The following CXCL13 variants were observed in gnomAD, a reference collection of about 807,000 sequenced individuals.
CXCL13 encodes C-X-C motif chemokine ligand 13.
In CXCL13, 7 loss-of-function variants were observed where a neutral mutation model predicts 12.2. That is an observed-to-expected ratio of 0.57 (90% CI 0.33 to 1.07). CXCL13 has a LOEUF of 1.07. Among genes scored for constraint, CXCL13 ranks in the 50% least tolerant of loss-of-function variants. The probability of loss-of-function intolerance (pLI) is 0.04; values close to 1 mark genes in which losing one functional copy is unlikely to be tolerated. For synonymous variants in CXCL13, 47 were observed against 42.4 expected (o/e 1.11, Z -0.42); for missense variants, 113 against 127.4 (o/e 0.89, Z 0.55).
chr4:77,530,905 G>A (rs1350026208), intron 1 of CXCL13, among the ~76,000 whole-genome samples: 3 of 151,276 alleles, frequency 2.0e-5, no homozygotes, highest in Non-Finnish European at 2.9e-5. Context: ...TTCTCTTGTG[G>A]GCATTTAGTG....
intron 1 of CXCL13, among the ~76,000 whole-genome samples, chr4:77,579,629 G>A (rs1726271367): frequency 6.6e-6 from 1 of 151,986 alleles, no homozygotes; most frequent in Non-Finnish European, 1.5e-5. Flanking sequence ...CCAAAGTTGT[G>A]TCTCCCTGGC....
intron 1 of CXCL13, among the ~76,000 whole-genome samples, chr4:77,572,916 G>A (rs923641001): frequency 6.6e-6 from 1 of 151,886 alleles, no homozygotes; most frequent in Non-Finnish European, 1.5e-5. Flanking sequence ...AAAAAAGAAT[G>A]AGAACATGTC....
At chr4:77,562,198 G>A (rs868164273) in intron 1 of CXCL13, among the ~76,000 whole-genome samples, 30 of 15,948 alleles carry the variant, frequency 1.9e-3, no homozygotes, top group South Asian at 5.8e-3. Context: ...GCAGCCCCCC[G>A]CCCCGCCTAC....
intron 1 of CXCL13, among the ~76,000 whole-genome samples, chr4:77,596,931 G>A (rs554806521): frequency 6.6e-5 from 10 of 152,250 alleles, no homozygotes; most frequent in Admixed American, 3.9e-4. Flanking sequence ...ATGGAAGAAC[G>A]GGTAAAGAAA....
At chr4:77,603,751 A>T (rs1578073584), upstream of CXCL13, among the ~76,000 whole-genome samples, 1 of 152,164 alleles carries the variant, frequency 6.6e-6, no homozygotes, top group Non-Finnish European at 1.5e-5. Context: ...TCACTTTGAG[A>T]AATGTAGAAG....
At chr4:77,521,821 C>A (rs1472011698) in intron 1 of CXCL13, among the ~76,000 whole-genome samples, 1 of 152,106 alleles carries the variant, frequency 6.6e-6, no homozygotes, top group Non-Finnish European at 1.5e-5. Context: ...AATTTTAGAT[C>A]TTTCCAGCTT....
At chr4:77,523,416 T>A (rs891916438) in intron 1 of CXCL13, among the ~76,000 whole-genome samples, 1 of 152,218 alleles carries the variant, frequency 6.6e-6, no homozygotes, top group African/African-American at 2.4e-5. Context: ...TTCTTTTTAC[T>A]CTTTTTTTCT....
At chr4:77,569,895 CAAAACAGCATGGTACTGGTACA>C (rs967355279) in intron 1 of CXCL13, among the ~76,000 whole-genome samples, 3 of 152,158 alleles carry the variant, frequency 2.0e-5, no homozygotes, top group African/African-American at 7.2e-5. Flanking sequence ...CTACAGTAAC[CAAAACAGCATGGTACTGGTACA>C]AAAACAGACA....
At chr4:77,517,515 G>A (rs565534030) in intron 1 of CXCL13, among the ~76,000 whole-genome samples, 28 of 152,152 alleles carry the variant, frequency 1.8e-4, no homozygotes, top group Non-Finnish European at 3.5e-4. Context: ...TATATATTTA[G>A]GATAGTTAGT....
intron 1 of CXCL13, among the ~76,000 whole-genome samples, chr4:77,581,773 A>G (rs1316705092): frequency 6.6e-6 from 1 of 152,064 alleles, no homozygotes; most frequent in East Asian, 1.9e-4. Context: ...GGTCTTTCTT[A>G]TCATAAAAAT....
chr4:77,560,650 A>G (rs1043287389), intron 1 of CXCL13, among the ~76,000 whole-genome samples: 12 of 152,162 alleles, frequency 7.9e-5, no homozygotes, highest in African/African-American at 2.2e-4. Flanking sequence ...CTTTCCCACC[A>G]GTGAGAAGGA....
chr4:77,578,220 A>G (rs1726238159), intron 1 of CXCL13, among the ~76,000 whole-genome samples: 1 of 152,126 alleles, frequency 6.6e-6, no homozygotes, highest in Non-Finnish European at 1.5e-5. Context: ...TATGTTTCCT[A>G]ATAACCTGGT....
At chr4:77,556,136 A>G (rs988645442) in intron 1 of CXCL13, among the ~76,000 whole-genome samples, 1 of 152,242 alleles carries the variant, frequency 6.6e-6, no homozygotes, top group African/African-American at 2.4e-5. Flanking sequence ...ACATCCATTC[A>G]GAGACTTATA....
intron 1 of CXCL13, among the ~76,000 whole-genome samples, chr4:77,574,439 G>C (rs1726159533): frequency 6.6e-6 from 1 of 151,784 alleles, no homozygotes; most frequent in Non-Finnish European, 1.5e-5. Flanking sequence ...TTGACTTTTG[G>C]GGGTATCAGA....
At chr4:77,570,206 G>C (rs1726035892) in intron 1 of CXCL13, among the ~76,000 whole-genome samples, 1 of 152,234 alleles carries the variant, frequency 6.6e-6, no homozygotes, top group African/African-American at 2.4e-5. Context: ...TTCTGGAATG[G>C]ACAAGGATTT....
chr4:77,520,517 G>A (rs143528714), intron 1 of CXCL13, among the ~76,000 whole-genome samples: 8,177 of 152,190 alleles, frequency 0.054, 742 homozygotes, highest in African/African-American at 0.19. Context: ...CTCTCTGTTT[G>A]TCTGCTATTG....
chr4:77,552,678 C>A (rs771056036), intron 1 of CXCL13, among the ~76,000 whole-genome samples: 1 of 152,084 alleles, frequency 6.6e-6, no homozygotes, highest in African/African-American at 2.4e-5. Flanking sequence ...AATCCAGTGG[C>A]CAGCCACCAA....
At chr4:77,572,268 G>C (rs1726104362) in intron 1 of CXCL13, among the ~76,000 whole-genome samples, 1 of 151,838 alleles carries the variant, frequency 6.6e-6, no homozygotes, top group South Asian at 2.1e-4. Context: ...AGGAGTGGTG[G>C]CACATGCCTG....
intron 1 of CXCL13, among the ~76,000 whole-genome samples, chr4:77,526,074 G>A (rs1656394054): frequency 6.6e-6 from 1 of 151,978 alleles, no homozygotes; most frequent in African/African-American, 2.4e-5. Context: ...TATCACTGTG[G>A]TCCACAGAGA....
Sources: allele counts gnomAD v4.1 joint callset (sites outside exome capture counted in the v4.1 genomes callset), GRCh38; gene constraint gnomAD v4.1.1; transcripts MANE v1.5; gene names NCBI Gene and HGNC (gene_info 2026-07-23, HGNC 2026-07-21).